USHBP1: variants seen among roughly 807,000 people sequenced by gnomAD.
USHBP1 encodes USH1 protein network component harmonin binding protein 1, also known as harmonin-binding protein USHBP1.
In USHBP1, 67 loss-of-function variants were observed where a neutral mutation model predicts 76.2. The ratio of observed to expected loss-of-function variants is 0.88; its 90% CI spans 0.72 to 1.08. The LOEUF is 1.08. Among genes scored for constraint, USHBP1 ranks in the 50% least tolerant of loss-of-function variants. The probability of loss-of-function intolerance (pLI) is 0.00; values close to 1 mark genes in which losing one functional copy is unlikely to be tolerated. For missense variants in USHBP1, 931 were observed against 915.0 expected (o/e 1.02, Z -0.23); for synonymous variants, 322 against 362.2 (o/e 0.89, Z 1.26).
chr19:17,254,146 A>C (rs999771087), intron 10 of USHBP1, among the ~76,000 whole-genome samples: 10 of 151,736 alleles, frequency 6.6e-5, no homozygotes, highest in Non-Finnish European at 1.3e-4. Context: ...GATCGAGACC[A>C]TCTTGGCTAA....
chr19:17,264,586 C>T (rs759084743), intron 1 of USHBP1, 85 bp downstream of exon 1: 2 of 478,330 alleles, frequency 4.2e-6, no homozygotes, highest in African/African-American at 2.0e-5. Flanking sequence ...GTCCACTTTC[C>T]TCCTCTATTT....
chr19:17,262,388 TCCTCCTG>T (rs1357717320), intron 4 of USHBP1, among the ~76,000 whole-genome samples, 157 bp downstream of exon 4: 1 of 152,048 alleles, frequency 6.6e-6, no homozygotes, highest in Non-Finnish European at 1.5e-5. Context: ...CCTCAAAGGA[TCCTCCTG>T]CCTCCACCTC....
intron 8 of USHBP1, 143 bp from the exon 9 acceptor site, chr19:17,256,863 C>A: frequency 2.4e-6 from 3 of 1,237,210 alleles, no homozygotes; most frequent in East Asian, 2.5e-5. Context: ...CCTGTCACAC[C>A]AACATACCCC....
Position 17,262,862 on chromosome 19 carries a change from G to A in USHBP1, c.332C>T (p.Pro111Leu). Residue 111 changes from proline (P) to leucine (L), a missense_variant, in exon 4 of 13, where the codon CCT (proline) becomes CTT (leucine). Coordinates refer to ENST00000252597, the MANE Select transcript of USHBP1 (RefSeq NM_031941.4). ...AALQYKETVP[P>L]GNGAPDVFQT... ...AAACACATCGGGGGCCCCATTCCCA[G>A]GGGGCACAGTCTCCTTGTACTGTAG... 1.9e-6 allele frequency: 3 copies of A among 1,612,962 alleles called. No homozygotes were observed. Among genetic ancestry groups the A allele is most frequent in the Non-Finnish European group, 2.5e-6 (3 of 1,179,202 alleles).
At chr19:17,263,710 A>C in intron 3 of USHBP1, 1 of 294,894 alleles carries the variant, frequency 3.4e-6, no homozygotes. Flanking sequence ...CTGTCTCACT[A>C]AAAATGCAAA....
Position 17,262,552 on chromosome 19 carries a change from C to T in USHBP1, c.642G>A (p.Glu214=), listed in dbSNP as rs556613401. The T allele has an allele frequency of 2.6e-5, 41 of 1,600,914 alleles. No individual in the cohort carries two copies. The South Asian group carries it at 3.8e-4, about 15-fold the overall frequency. Residue 214 remains glutamate, a splice_region_variant and synonymous_variant, in exon 4 of 13, where the codon GAG becomes GAA. Transcript: ENST00000252597. ...TGGGACTCAGGATGGCCCCACTCAC[C>T]TCTTTCTGCAGCGTCTCCTTCTCAG... ...IRAEKETLQK[E]VQELQDSLLR... is the part of the protein sequence containing the mutation.
chr19:17,250,261 G>A lies in USHBP1; in HGVS notation c.2076C>T (p.Pro692=). The change falls in exon 13 of 13, where the codon CCC becomes CCT. Residue 692 remains proline, a synonymous_variant. Coordinates refer to ENST00000252597, the MANE Select transcript of USHBP1 (RefSeq NM_031941.4). ...TGTCCCCAAGCTGGGGAGGCGGGAG[G>A]GGAGGCCTGGGCTTCCCCAGGGCCC... The part of the protein sequence containing the change: ...TARALGKPRP[P]LPPPQLGDTF... 2.5e-6 allele frequency: 4 copies of A among 1,613,038 alleles called. No individual in the cohort carries two copies. The highest frequency in any genetic ancestry group is 3.4e-6 in the Non-Finnish European group (4 of 1,179,726).
Position 17,259,702 on chromosome 19 carries a change from G to T in USHBP1, c.799C>A (p.Arg267=), listed in dbSNP as rs188069399. 3 of 1,613,100 alleles carry T rather than the reference G, an allele frequency of 1.9e-6. No homozygotes were observed. In the African/African-American group the frequency reaches 4.0e-5, roughly 22 times the overall value. ...DSFSLAHPLL[R]RLRSHSSTQI... ...GTGCTGGAATGGCTGCGGAGGCGCC[G>T]AAGCAGGGGGTGAGCCAGGGAGAAG... is the stretch of plus-strand genomic sequence containing the variant. Residue 267 remains arginine, a synonymous_variant, in exon 6 of 13, where the codon CGG becomes AGG. Transcript: ENST00000252597.
In USHBP1 at chr19:17,255,394, C is replaced by T. The variant is rs1197200301; in HGVS notation, c.1683G>A (p.Glu561=). 4 of 1,613,892 alleles carry T rather than the reference C, an allele frequency of 2.5e-6. No homozygotes were observed. In the South Asian group the frequency reaches 4.4e-5, roughly 18 times the overall value. ...AGGCAGGGCAGCTCACCTGATACCA[C>T]TCTTCCTCGTCCCCGCTGCTGCCAC... The part of the protein sequence containing the change: ...SGGGSSGDEE[E]WYQGLPAVPG... Residue 561 remains glutamate (E), a synonymous_variant, in exon 10 of 13, where the codon GAG becomes GAA. Coordinates refer to ENST00000252597, the MANE Select transcript of USHBP1 (RefSeq NM_031941.4).
chr19:17,264,278 G>A lies in USHBP1; in HGVS notation c.22C>T (p.Pro8Ser). The A allele has an allele frequency of 6.2e-7, 1 of 1,613,342 alleles. No individual in the cohort carries two copies. The highest frequency in any genetic ancestry group is 8.5e-7 in the Non-Finnish European group (1 of 1,179,878). The change falls in exon 2 of 13, where the codon CCC becomes TCC. Residue 8 changes from proline to serine, a missense_variant. Physicochemically the swap from Pro to Ser is moderately conservative, Grantham distance 74 (BLOSUM62 -1). Transcript: ENST00000252597. MSARATRPRSRRGRHAPP... is the reference protein window; with the variant it reads MSARATRSRSRRGRHAPP... ...GCATGCCTCCCTCGCCGGCTTCGGG[G>A]CCGCGTGGCCCGGGCACTCATTGCT... is the stretch of plus-strand genomic sequence containing the variant.
At position 17,249,304 on chromosome 19, in the gene USHBP1, G is replaced by A. The variant is rs1181525795; in HGVS notation, c.*921C>T. On this transcript the variant is annotated 3_prime_UTR_variant, in exon 13 of 13. Coordinates refer to ENST00000252597, the MANE Select transcript of USHBP1 (RefSeq NM_031941.4). ...CCTCTCAGGTTCAAGCAATTATCCT[G>A]CCTCAGTCTCCCGAGTAGCCGGGAT... 6.6e-6 allele frequency: 1 copy of A among 152,112 alleles called. No homozygotes were observed. The highest frequency in any genetic ancestry group is 1.5e-5 in the Non-Finnish European group (1 of 68,046). The allele number at this position is 152,112 out of a possible 1,614,324, so 9.4% of individuals were successfully genotyped here.
Position 17,255,563 on chromosome 19 carries a change from C to A in USHBP1, c.1514G>T (p.Arg505Leu), listed in dbSNP as rs752148062. Residue 505 changes from arginine (R) to leucine (L), a missense_variant, in exon 10 of 13, where the codon CGT (arginine) becomes CTT (leucine). By Grantham distance (102) the Arg-to-Leu change is moderately radical (BLOSUM62 -2). Coordinates refer to ENST00000252597, the MANE Select transcript of USHBP1 (RefSeq NM_031941.4). ...DLMLRLQLVR[R>L]EKRGLELREA... is the part of the protein sequence containing the mutation. ...CCGCAGCTCTAGGCCCCGCTTCTCA[C>A]GCCGCACCAGCTGCAGCCGAAGCAT... The A allele has an allele frequency of 6.2e-7, 1 of 1,612,920 alleles. No individual in the cohort carries two copies. The highest frequency in any genetic ancestry group is 8.5e-7 in the Non-Finnish European group (1 of 1,179,364).
intron 10 of USHBP1, 83 bp downstream of exon 10, chr19:17,255,301 CA>C (rs35026554): frequency 0.59 from 703,877 of 1,196,384 alleles, 170,516 homozygotes; most frequent in African/African-American, 0.77. Flanking sequence ...TCAAAAAAAA[CA>C]AAAAAAAAAA....
intron 7 of USHBP1, among the ~76,000 whole-genome samples, chr19:17,258,964 G>A (rs1445274441): frequency 3.3e-5 from 5 of 151,874 alleles, no homozygotes; most frequent in African/African-American, 7.3e-5. Flanking sequence ...TCAGGAGTTC[G>A]AGACTAGCCT....
At chr19:17,259,121 C>A (rs1333646473) in intron 7 of USHBP1, among the ~76,000 whole-genome samples, 168 bp downstream of exon 7, 2 of 152,076 alleles carry the variant, frequency 1.3e-5, no homozygotes, top group African/African-American at 4.8e-5. Flanking sequence ...GCTGAGATCT[C>A]ACCACTGCAC....
In USHBP1 at chr19:17,264,661, C is replaced by T; in HGVS notation, c.-49+10G>A. ...CGGCCCTCCTAAATGAGAGGTTCAG[C>T]TCTCTCTACCTCTCTGATCCTCTGG... On this transcript the variant is annotated intron_variant, in intron 1 of 12. Coordinates refer to ENST00000252597, the MANE Select transcript of USHBP1 (RefSeq NM_031941.4). 3.4e-6 allele frequency: 1 copy of T among 291,156 alleles called. No homozygotes were observed. The highest frequency in any genetic ancestry group is 6.5e-6 in the Non-Finnish European group (1 of 153,290). The allele number at this position is 291,156 out of a possible 1,614,324, so 18.0% of individuals were successfully genotyped here. A position where few individuals can be genotyped will look rare whatever the true frequency, so the allele number is the denominator to read the frequency against.
intron 8 of USHBP1, 94 bp downstream of exon 8, chr19:17,258,118 C>A (rs2073642499): frequency 6.4e-7 from 1 of 1,569,632 alleles, no homozygotes; most frequent in Non-Finnish European, 8.7e-7. Flanking sequence ...ACAGCCACAC[C>A]AAGCCCCGAA....
At chr19:17,251,530 T>C (rs1024576312) in intron 12 of USHBP1, 52 bp downstream of exon 12, 3 of 1,606,984 alleles carry the variant, frequency 1.9e-6, no homozygotes, top group Non-Finnish European at 2.6e-6. Context: ...ACTTCTGATA[T>C]CCTGGTGGGG....
chr19:17,264,440 C>G, intron 1 of USHBP1, 93 bp from the exon 2 acceptor site: 1 of 1,009,872 alleles, frequency 9.9e-7, no homozygotes, highest in Non-Finnish European at 1.4e-6. Flanking sequence ...GCACTGACTA[C>G]CCCTCAGGAA....
Sources: gnomAD v4.1 joint callset for allele counts (sites outside exome capture counted in the v4.1 genomes callset) on GRCh38, gnomAD v4.1.1 for gene constraint, MANE v1.5 for transcripts, NCBI Gene and HGNC (gene_info 2026-07-23, HGNC 2026-07-21) for gene names.